The following ANKRD26 variants were observed in gnomAD, a reference collection of about 807,000 sequenced individuals.
ANKRD26 encodes ankyrin repeat domain-containing protein 26.
In ANKRD26, 141 loss-of-function variants were observed where a neutral mutation model predicts 208.7. The ratio of observed to expected loss-of-function variants is 0.68; its 90% CI spans 0.59 to 0.78. The LOEUF (loss-of-function observed/expected upper bound fraction) is 0.78. ANKRD26 is among the 30% of genes least tolerant of loss of function. The pLI, the probability that ANKRD26 is intolerant of heterozygous loss-of-function variation, is 0.00. For synonymous variants in ANKRD26, 636 were observed against 660.4 expected (o/e 0.96, Z 0.57); for missense variants, 1,889 against 1,938.7 (o/e 0.97, Z 0.48).
intron 5 of ANKRD26, 119 bp from the exon 6 acceptor site, chr10:27,082,952 T>C (rs1432862475): frequency 6.1e-6 from 8 of 1,301,518 alleles, no homozygotes; most frequent in Non-Finnish European, 8.3e-6. Context: ...CTGGAGACTA[T>C]AATAGAATTA....
In ANKRD26 at chr10:27,046,367, A is replaced by T. The variant is rs780924992; in HGVS notation, c.1971T>A (p.Asp657Glu). The T allele has an allele frequency of 6.8e-6, 11 of 1,613,948 alleles. No homozygotes were observed. The African/African-American group carries it at 1.3e-4, about 20-fold the overall frequency. The stretch of plus-strand genomic sequence containing the variant: ...ATAGATTTTACCTTCCTTCATCCTC[A>T]TCTATTTCACTTAAACTGCTGTCAT... ...VDDDSSLSEIDEDEGRPTKKT... is the reference protein window; with the variant it reads ...VDDDSSLSEIEEDEGRPTKKT... Residue 657 changes from aspartate to glutamate, a missense_variant, in exon 18 of 34, where the codon GAT (aspartate) becomes GAA (glutamate). By Grantham distance (45) the Asp-to-Glu change is conservative. Around this residue, in one of 3 missense-constraint regions of ANKRD26, gnomAD observed 1,272 missense variants for 1,273.8 expected, o/e 1.00. Coordinates refer to ENST00000376087, the MANE Select transcript of ANKRD26 (RefSeq NM_014915.3).
the ANKRD26 span, among the ~76,000 whole-genome samples, chr10:26,962,676 A>G: frequency 6.6e-6 from 1 of 152,190 alleles, no homozygotes; most frequent in South Asian, 2.1e-4. Context: ...TGAGGCCAGG[A>G]GTTCAAGGTT....
downstream of ANKRD26, among the ~76,000 whole-genome samples, chr10:26,971,985 C>T (rs963591530): frequency 8.5e-5 from 13 of 152,168 alleles, no homozygotes; most frequent in Non-Finnish European, 1.8e-4. Context: ...CCTGTAATCC[C>T]AGCACTTTGG....
At chr10:26,964,482 C>T in the ANKRD26 span, among the ~76,000 whole-genome samples, 1 of 152,188 alleles carries the variant, frequency 6.6e-6, no homozygotes, top group Admixed American at 6.5e-5. Flanking sequence ...GTCTAACATG[C>T]AGCTCACTCC....
chr10:26,979,175 G>A (rs1437459632), intron 5 of ANKRD26, among the ~76,000 whole-genome samples: 8 of 152,190 alleles, frequency 5.3e-5, no homozygotes, highest in South Asian at 2.1e-4. Context: ...AGCCGAGATC[G>A]CGCCACTGCA....
At chr10:27,032,657 AAAC>A (rs2053910279) in intron 25 of ANKRD26, among the ~76,000 whole-genome samples, 1 of 151,612 alleles carries the variant, frequency 6.6e-6, no homozygotes, top group Non-Finnish European at 1.5e-5. Flanking sequence ...AAAAAACAAA[AAAC>A]AAAAATTAGC....
At chr10:27,021,997 GT>G (rs2135027479) in intron 29 of ANKRD26, among the ~76,000 whole-genome samples, 1 of 152,258 alleles carries the variant, frequency 6.6e-6, no homozygotes, top group East Asian at 1.9e-4. Flanking sequence ...TAGGTTGTCT[GT>G]TTACTCTGTT....
intron 3 of ANKRD26, among the ~76,000 whole-genome samples, chr10:26,986,010 G>T (rs867658014): frequency 2.6e-5 from 4 of 151,926 alleles, no homozygotes; most frequent in African/African-American, 4.8e-5. Context: ...GAGGCATCAC[G>T]CTACCTGACT....
At chr10:26,958,073 T>TTATATA in the ANKRD26 span, among the ~76,000 whole-genome samples, 26,624 of 143,912 alleles carry the variant, frequency 0.19, 2,655 homozygotes, top group Non-Finnish European at 0.22. Context: ...TCACCCAGTT[T>TTATATA]TATATATATA....
intron 16 of ANKRD26, chr10:27,052,270 T>C (rs1307795741): frequency 1.3e-6 from 1 of 769,152 alleles, no homozygotes; most frequent in Non-Finnish European, 1.6e-6. Context: ...CTAATTTGCC[T>C]TAGCCTAAAA....
At chr10:26,951,432 A>C in the ANKRD26 span, among the ~76,000 whole-genome samples, 1 of 152,272 alleles carries the variant, frequency 6.6e-6, no homozygotes, top group African/African-American at 2.4e-5. Flanking sequence ...CCTGCAATAA[A>C]TATTTACAAT....
At chr10:27,019,789 C>T (rs1015209975) in intron 29 of ANKRD26, among the ~76,000 whole-genome samples, 2 of 152,166 alleles carry the variant, frequency 1.3e-5, no homozygotes, top group African/African-American at 4.8e-5. Flanking sequence ...CTTATTGTCT[C>T]TTTTTGTAAA....
At chr10:26,993,300 A>G (rs1365557436) in intron 5 of ANKRD26, among the ~76,000 whole-genome samples, 1 of 152,198 alleles carries the variant, frequency 6.6e-6, no homozygotes, top group Non-Finnish European at 1.5e-5. Flanking sequence ...ATTTACTGCT[A>G]GCCAATTAAT....
At position 27,075,431 on chromosome 10, in the gene ANKRD26, G is replaced by A. The variant is rs76620520; in HGVS notation, c.1077+1907C>T. Among the ~76,000 whole-genome samples the A allele has an allele frequency of 1.1e-3, 166 of 152,298 alleles. 1 individual carries two copies. Among genetic ancestry groups the A allele is most frequent in the East Asian group, 7.1e-3 (37 of 5,184 alleles). ...TCACACAAAGAGAAACCAAAAGTGA[G>A]CAGGAGTAGCTATTCCTATATCAGA... On this transcript the variant is annotated intron_variant, in intron 9 of 33. Transcript: ENST00000376087.
chr10:26,957,933 C>T, the ANKRD26 span, among the ~76,000 whole-genome samples: 1 of 152,040 alleles, frequency 6.6e-6, no homozygotes, highest in Non-Finnish European at 1.5e-5. Flanking sequence ...TTAAGGGTCA[C>T]CTGTGACAAA....
intron 4 of ANKRD26, among the ~76,000 whole-genome samples, chr10:26,999,024 G>T (rs1446044051): frequency 6.6e-6 from 1 of 152,128 alleles, no homozygotes; most frequent in Non-Finnish European, 1.5e-5. Context: ...AGCACTAGAG[G>T]GTTCTCAGCA....
Position 27,066,500 on chromosome 10 carries a change from G to T in ANKRD26, c.1256C>A (p.Pro419His). The T allele has an allele frequency of 6.3e-7, 1 of 1,595,424 alleles. No individual in the cohort carries two copies. The highest frequency in any genetic ancestry group is 1.1e-5 in the South Asian group (1 of 90,130). The change falls in exon 11 of 34, where the codon CCT becomes CAT. Residue 419 changes from proline (P) to histidine (H), a missense_variant. By Grantham distance (77) the Pro-to-His change is moderately conservative. Around this residue, in one of 3 missense-constraint regions of ANKRD26, gnomAD observed 1,272 missense variants for 1,273.8 expected, o/e 1.00. Coordinates refer to ENST00000376087, the MANE Select transcript of ANKRD26 (RefSeq NM_014915.3). The stretch of plus-strand genomic sequence containing the variant: ...CATAGAAAGTACCTCAGAATCCCAA[G>T]GTGATTCTATATCTTCCTCTTGTCC... Reference protein sequence around the residue: ...GLGQEEDIESPWDSESISENF... With the variant: ...GLGQEEDIESHWDSESISENF...
chr10:27,016,627 A>T (rs957076128), intron 30 of ANKRD26, among the ~76,000 whole-genome samples: 3 of 151,022 alleles, frequency 2.0e-5, no homozygotes, highest in African/African-American at 7.3e-5. Flanking sequence ...TTAAAGTCCC[A>T]GTGGTTTCCT....
intron 20 of ANKRD26, 147 bp downstream of exon 20, chr10:27,043,279 A>G (rs1367936567): frequency 3.5e-6 from 3 of 850,186 alleles, no homozygotes; most frequent in East Asian, 5.3e-5. Flanking sequence ...TATATCATAT[A>G]AAGAACTCTT....
Sources: gnomAD v4.1 joint callset for allele counts (sites outside exome capture counted in the v4.1 genomes callset) on GRCh38, gnomAD v4.1.1 for gene constraint, gnomAD v4.1.1 regional missense constraint, MANE v1.5 for transcripts, NCBI Gene and HGNC (gene_info 2026-07-23, HGNC 2026-07-21) for gene names.